Variants in TRIM67 observed in about 807,000 individuals in gnomAD.
The protein encoded by TRIM67 is tripartite motif-containing protein 67.
A neutral mutation model predicts 71.0 loss-of-function variants in TRIM67; 39 were observed. That is an observed-to-expected ratio of 0.55 (90% CI 0.43 to 0.72). TRIM67 has a LOEUF of 0.72. TRIM67 is among the 30% of genes least tolerant of loss of function. The pLI is 0.00. For synonymous variants in TRIM67, 481 were observed against 473.9 expected, an observed-to-expected ratio of 1.01 and a Z score of -0.19; for missense variants, 973 against 1,079.2, an observed-to-expected ratio of 0.90 and a Z score of 1.38.
rs1682357009 is a variant in TRIM67 at position 231,163,540 on chromosome 1, C to A, written c.571C>A (p.Gln191Lys). 2 of 1,514,018 alleles carry A rather than the reference C, an allele frequency of 1.3e-6. No individual in the cohort carries two copies. Among genetic ancestry groups the A allele is most frequent in the Non-Finnish European group, 1.8e-6 (2 of 1,136,984 alleles). 93.8% of individuals were successfully genotyped at this position (1,514,018 alleles called of 1,614,324 possible). A position where few individuals can be genotyped will look rare whatever the true frequency, so the allele number is the denominator to read the frequency against. ...LLEAIVQRYQ[Q>K]GRGAVPGTSA... is the part of the protein sequence containing the mutation. ...CGAGGCCATCGTGCAGCGGTACCAG[C>A]AGGGCCGCGGGGCCGTGCCGGGGAC... The change falls in exon 1 of 10, where the codon CAG becomes AAG. Residue 191 changes from glutamine (Q) to lysine (K), a missense_variant. Coordinates refer to ENST00000366653, the MANE Select transcript of TRIM67 (RefSeq NM_001004342.5).
chr1:231,163,817 G>C lies in TRIM67; in HGVS notation c.848G>C (p.Ser283Thr), dbSNP rs369940406. The C allele has an allele frequency of 3.3e-6, 5 of 1,514,888 alleles. No individual in the cohort carries two copies. The highest frequency in any genetic ancestry group is 3.5e-6 in the Non-Finnish European group (4 of 1,128,798). The allele number at this position is 1,514,888 out of a possible 1,614,324, so 93.8% of individuals were successfully genotyped here. The change falls in exon 1 of 10, where the codon AGC becomes ACC. Residue 283 changes from serine to threonine, a missense_variant. Ser to Thr is a moderately conservative substitution (Grantham distance 58). Coordinates refer to ENST00000366653, the MANE Select transcript of TRIM67 (RefSeq NM_001004342.5). ...CCCAGCGGAGGCGGCGGCTGCAAGA[G>C]CCCGGGAGGCGCGGGGGCGGGGGCG... ...GAPSGGGGCK[S>T]PGGAGAGATG...
intron 1 of TRIM67, among the ~76,000 whole-genome samples, chr1:231,194,884 T>A (rs1033897078): frequency 6.6e-6 from 1 of 151,972 alleles, no homozygotes; most frequent in Non-Finnish European, 1.5e-5. Context: ...AGGGTGAGGA[T>A]GAGGGAGGAA....
In TRIM67 at chr1:231,163,090, G is replaced by T. The variant is rs558077330; in HGVS notation, c.121G>T (p.Gly41Cys). 6.3e-7 allele frequency: 1 copy of T among 1,582,954 alleles called. No homozygotes were observed. The highest frequency in any genetic ancestry group is 8.6e-7 in the Non-Finnish European group (1 of 1,166,276). Residue 41 changes from glycine (G) to cysteine (C), a missense_variant, in exon 1 of 10, where the codon GGT becomes TGT. Coordinates refer to ENST00000366653, the MANE Select transcript of TRIM67 (RefSeq NM_001004342.5). The part of the protein sequence containing the change: ...ARTIAVQTPD[G>C]EQHLPQPLLL... ...CACCATCGCGGTGCAGACCCCGGAC[G>T]GTGAGCAGCACCTGCCCCAGCCGCT...
rs530327754 is a variant in TRIM67, at chr1:231,207,299, T to C, written c.1819+509T>C. Among the ~76,000 whole-genome samples the C allele has an allele frequency of 1.4e-4, 21 of 152,308 alleles. 1 individual carries two copies. In the South Asian group the frequency reaches 2.7e-3, roughly 20 times the overall value. ...AGTGGGCCCACACCAGTCCCTACAT[T>C]TGAGCCTTTCTCACAGCGGAAAAGT... On this transcript the variant is annotated intron_variant, in intron 7 of 9. Coordinates refer to ENST00000366653, the MANE Select transcript of TRIM67 (RefSeq NM_001004342.5).
At chr1:231,178,391 A>G (rs919875122) in intron 1 of TRIM67, among the ~76,000 whole-genome samples, 22 of 152,354 alleles carry the variant, frequency 1.4e-4, no homozygotes, top group South Asian at 1.2e-3. Flanking sequence ...AAATGAGATC[A>G]TGCATTTTAA....
At position 231,201,157 on chromosome 1, in the gene TRIM67, G is replaced by A. The variant is rs1318335448; in HGVS notation, c.1375-201G>A. ...TTCATTTCATGTGATTATGAAATAC[G>A]ATTGAAACAATATTTCAATGCATTT... On this transcript the variant is annotated intron_variant, in intron 4 of 9. Transcript: ENST00000366653. Among the ~76,000 whole-genome samples the A allele has an allele frequency of 2.0e-5, 3 of 152,156 alleles. 1 individual carries two copies. The South Asian group carries it at 6.2e-4, about 31-fold the overall frequency.
chr1:231,208,800 G>A (rs547224318), intron 7 of TRIM67, 147 bp from the exon 8 acceptor site: 208 of 690,114 alleles, frequency 3.0e-4, no homozygotes, highest in Non-Finnish European at 4.7e-4. Flanking sequence ...GTGTGTGCAC[G>A]TGTGTGGTAA....
At chr1:231,194,705 C>T (rs904836691) in intron 1 of TRIM67, among the ~76,000 whole-genome samples, 2 of 152,180 alleles carry the variant, frequency 1.3e-5, no homozygotes, top group Non-Finnish European at 2.9e-5. Context: ...TATTTTGAGA[C>T]ACAGTCTCAC....
chr1:231,185,330 CAGAAGGG>C, intron 1 of TRIM67: 1 of 1,053,032 alleles, frequency 9.5e-7, no homozygotes, highest in South Asian at 1.6e-5. Context: ...GAAGGAAAGT[CAGAAGGG>C]AGAATGGCTC....
intron 7 of TRIM67, among the ~76,000 whole-genome samples, chr1:231,208,252 C>A (rs1683767755): frequency 6.6e-6 from 1 of 151,544 alleles, no homozygotes. Context: ...TGGCTCACTG[C>A]AAGCTCTGTC....
chr1:231,187,498 TA>T (rs370215367), intron 1 of TRIM67: 48,103 of 956,312 alleles, frequency 0.05, no homozygotes, highest in South Asian at 0.09. Context: ...AGCCACAGGT[TA>T]AAAAAAAAAA....
chr1:231,205,881 G>A (rs1683681319), intron 6 of TRIM67, among the ~76,000 whole-genome samples: 1 of 152,174 alleles, frequency 6.6e-6, no homozygotes, highest in Non-Finnish European at 1.5e-5. Context: ...AAGTGGATGT[G>A]CCCGTGGCTC....
intron 1 of TRIM67, among the ~76,000 whole-genome samples, chr1:231,179,273 C>T (rs1472555471): frequency 6.6e-6 from 1 of 152,240 alleles, no homozygotes; most frequent in Non-Finnish European, 1.5e-5. Flanking sequence ...CATTCTCCCT[C>T]TGTGCATGCA....
Position 231,163,443 on chromosome 1 carries a change from G to T in TRIM67, c.474G>T (p.Thr158=). The T allele has an allele frequency of 6.5e-7, 1 of 1,539,744 alleles. No individual in the cohort carries two copies. Among genetic ancestry groups the T allele is most frequent in the Non-Finnish European group, 8.7e-7 (1 of 1,148,388 alleles). The stretch of plus-strand genomic sequence containing the variant: ...TGTCCTCGTCTTCGAGCTCCATCAC[G>T]TGCCCGCAGTGCCACCGCAGCGCAT... The part of the protein sequence containing the change: ...SSLSSSSSSI[T]CPQCHRSASL... The change falls in exon 1 of 10, where the codon ACG becomes ACT. Residue 158 remains threonine (T), a synonymous_variant. Transcript: ENST00000366653.
At chr1:231,192,588 A>T (rs2102740805) in intron 1 of TRIM67, among the ~76,000 whole-genome samples, 1 of 152,352 alleles carries the variant, frequency 6.6e-6, no homozygotes, top group East Asian at 1.9e-4. Context: ...CTGAGTGAGG[A>T]GAACTGACTT....
intron 1 of TRIM67, among the ~76,000 whole-genome samples, chr1:231,196,860 A>G (rs1395187780): frequency 1.3e-5 from 2 of 152,156 alleles, no homozygotes; most frequent in Non-Finnish European, 2.9e-5. Context: ...ACCAGTCCAT[A>G]CACCTAGTCC....
In TRIM67 at chr1:231,219,140, G is replaced by C; in HGVS notation, c.*3700G>C. The stretch of plus-strand genomic sequence containing the variant: ...CCTTAGGGGGAGTCAACATGTGAAT[G>C]CTAAAGAACACTGCTGCACAGCCCG... On this transcript the variant is annotated 3_prime_UTR_variant, in exon 10 of 10. Coordinates refer to ENST00000366653, the MANE Select transcript of TRIM67 (RefSeq NM_001004342.5). The C allele has an allele frequency of 1.0e-6, 1 of 985,476 alleles. No homozygotes were observed. The highest frequency in any genetic ancestry group is 1.2e-6 in the Non-Finnish European group (1 of 829,986). 61.0% of individuals were successfully genotyped at this position (985,476 alleles called of 1,614,324 possible).
At chr1:231,198,270 A>G (rs1683422931) in intron 2 of TRIM67, among the ~76,000 whole-genome samples, 1 of 152,238 alleles carries the variant, frequency 6.6e-6, no homozygotes, top group Admixed American at 6.5e-5. Flanking sequence ...TGTGTGCCTC[A>G]GGGTCTGTCT....
intron 1 of TRIM67, chr1:231,184,862 C>A: frequency 1.5e-6 from 1 of 674,584 alleles, no homozygotes. Flanking sequence ...CCAATTCACA[C>A]GTGAGGACAC....
Sources: allele counts gnomAD v4.1 joint callset (sites outside exome capture counted in the v4.1 genomes callset), GRCh38; gene constraint gnomAD v4.1.1; transcripts MANE v1.5; gene names NCBI Gene and HGNC (gene_info 2026-07-23, HGNC 2026-07-21).